RAB33B: variants seen among roughly 807,000 people sequenced by gnomAD.
The protein encoded by RAB33B is RAB33B, member RAS oncogene family.
A neutral mutation model predicts 15.0 loss-of-function variants in RAB33B; 6 were observed. The observed-to-expected ratio is 0.40, with a 90% CI of 0.22 to 0.79. The LOEUF is 0.79. RAB33B is among the 30% of genes least tolerant of loss of function. The pLI, the probability that RAB33B is intolerant of heterozygous loss-of-function variation, is 0.37. For missense variants in RAB33B, 257 were observed against 296.4 expected (o/e 0.87, Z 0.98); for synonymous variants, 117 against 108.3 (o/e 1.08, Z -0.50).
Position 139,473,513 on chromosome 4 carries a change from G to T in RAB33B, c.*387G>T. The T allele has an allele frequency of 5.9e-6, 1 of 169,138 alleles. No homozygotes were observed. The highest frequency in any genetic ancestry group is 1.3e-5 in the Non-Finnish European group (1 of 78,228). The allele number at this position is 169,138 out of a possible 1,614,324, so 10.5% of individuals were successfully genotyped here. ...CTTTGAATGGGAAGTGTTCTTAATA[G>T]GATAAAAACTGGTATTTGCCTCTCC... On this transcript the variant is annotated 3_prime_UTR_variant, in exon 2 of 2. Coordinates refer to ENST00000305626, the MANE Select transcript of RAB33B (RefSeq NM_031296.3).
rs1242581833 is a variant in RAB33B at position 139,454,218 on chromosome 4, C to T, written c.23C>T (p.Ser8Leu). The T allele has an allele frequency of 8.1e-6, 13 of 1,613,376 alleles. No homozygotes were observed. Among genetic ancestry groups the T allele is most frequent in the Non-Finnish European group, 2.5e-6 (3 of 1,179,664 alleles). Residue 8 changes from serine to leucine, a missense_variant, in exon 1 of 2, where the codon TCG becomes TTG. Coordinates refer to ENST00000305626, the MANE Select transcript of RAB33B (RefSeq NM_031296.3). ...GGAATGGCTGAGGAGATGGAGTCGT[C>T]GCTCGAGGCAAGCTTTTCGTCCAGC... MAEEMES[S>L]LEASFSSSGA...
At position 139,454,357 on chromosome 4, in the gene RAB33B, C is replaced by T; in HGVS notation, c.162C>T (p.Cys54=). 1.2e-6 allele frequency: 2 copies of T among 1,614,006 alleles called. No individual in the cohort carries two copies. The highest frequency in any genetic ancestry group is 1.7e-6 in the Non-Finnish European group (2 of 1,180,010). The part of the protein sequence containing the change: ...VGKTCLTYRF[C]AGRFPDRTEA... ...AGACATGCCTGACCTACCGCTTCTG[C>T]GCTGGCCGCTTCCCCGACCGCACCG... Residue 54 remains cysteine, a synonymous_variant, in exon 1 of 2, where the codon TGC becomes TGT. Transcript: ENST00000305626.
chr4:139,463,954 C>G (rs1246134312), intron 1 of RAB33B, among the ~76,000 whole-genome samples: 15 of 152,138 alleles, frequency 9.9e-5, no homozygotes, highest in Admixed American at 9.8e-4. Flanking sequence ...TTATTAGTTA[C>G]GTTTATGGCT....
At chr4:139,448,508 C>T (rs1023224179), upstream of RAB33B, 1 of 152,086 alleles carries the variant, frequency 6.6e-6, no homozygotes, top group Non-Finnish European at 1.5e-5. Flanking sequence ...GATCTCGGCT[C>T]ACTGCAACCT....
the RAB33B span, among the ~76,000 whole-genome samples, chr4:139,439,098 C>T: frequency 0.21 from 31,283 of 152,130 alleles, 3,552 homozygotes; most frequent in Non-Finnish European, 0.26. Flanking sequence ...CTGCAAGCTC[C>T]GCCTCCTGGA....
chr4:139,449,093 A>C (rs956749571), upstream of RAB33B: 5 of 150,576 alleles, frequency 3.3e-5, no homozygotes, highest in African/African-American at 1.2e-4. Flanking sequence ...TATTACTGTC[A>C]AAAGCCATTA....
Position 139,474,324 on chromosome 4 carries a change from T to G in RAB33B, c.*1198T>G, listed in dbSNP as rs938685467. 6.6e-6 allele frequency: 1 copy of G among 152,196 alleles called. No homozygotes were observed. The highest frequency in any genetic ancestry group is 2.4e-5 in the African/African-American group (1 of 41,446). The allele number at this position is 152,196 out of a possible 1,614,324, so 9.4% of individuals were successfully genotyped here. A position where few individuals can be genotyped will look rare whatever the true frequency, so the allele number is the denominator to read the frequency against. ...TATATTTAAACAGTGAAAAACTAAC[T>G]GAAAGCACATGAAGAGTTGTAACTT... On this transcript the variant is annotated 3_prime_UTR_variant, in exon 2 of 2. Transcript: ENST00000305626.
chr4:139,473,091 C>T lies in RAB33B; in HGVS notation c.655C>T (p.Pro219Ser), dbSNP rs201952341. Reference protein sequence around the residue: ...QPPDNGIILKPEPKPAMTCWC With the variant: ...QPPDNGIILKSEPKPAMTCWC ...CCCTGATAATGGAATTATCCTGAAGCCTGAACCAAAGCCTGCAATGACGTG... is the reference window on the plus strand; with the variant it reads ...CCCTGATAATGGAATTATCCTGAAGTCTGAACCAAAGCCTGCAATGACGTG... The change falls in exon 2 of 2, where the codon CCT becomes TCT. Residue 219 changes from proline (P) to serine (S), a missense_variant. Coordinates refer to ENST00000305626, the MANE Select transcript of RAB33B (RefSeq NM_031296.3). 55 of 1,609,342 alleles carry T rather than the reference C, an allele frequency of 3.4e-5. No individual in the cohort carries two copies. The highest frequency in any genetic ancestry group is 1.3e-5 in the African/African-American group (1 of 74,642).
In RAB33B at chr4:139,473,468, G is replaced by A. The variant is rs1354251026; in HGVS notation, c.*342G>A. 1 of 253,418 alleles carries A rather than the reference G, an allele frequency of 3.9e-6. No individual in the cohort carries two copies. Among genetic ancestry groups the A allele is most frequent in the Non-Finnish European group, 7.6e-6 (1 of 131,908 alleles). 15.7% of individuals were successfully genotyped at this position (253,418 alleles called of 1,614,324 possible). A position where few individuals can be genotyped will look rare whatever the true frequency, so the allele number is the denominator to read the frequency against. The stretch of plus-strand genomic sequence containing the variant: ...TTGGAAAAAAATGTTAAAGGTTTAG[G>A]ACACACCTAATAGTATGTCCTTTGA... On this transcript the variant is annotated 3_prime_UTR_variant, in exon 2 of 2. Transcript: ENST00000305626.
the RAB33B span, among the ~76,000 whole-genome samples, chr4:139,438,641 G>A: frequency 6.6e-6 from 1 of 151,914 alleles, no homozygotes; most frequent in African/African-American, 2.4e-5. Flanking sequence ...GCCTCCACTT[G>A]TAGAGGGCAA....
Position 139,454,184 on chromosome 4 carries a change from C to A in RAB33B, c.-12C>A. 6.2e-7 allele frequency: 1 copy of A among 1,602,112 alleles called. No individual in the cohort carries two copies. Among genetic ancestry groups the A allele is most frequent in the Non-Finnish European group, 8.5e-7 (1 of 1,172,984 alleles). ...TCCTTTCCTCCGCCTCAGTTTGGGG[C>A]GGGTCGGGGGAATGGCTGAGGAGAT... is the stretch of plus-strand genomic sequence containing the variant. On this transcript the variant is annotated 5_prime_UTR_variant, in exon 1 of 2. Transcript: ENST00000305626.
chr4:139,470,454 G>T (rs1386202094), intron 1 of RAB33B, among the ~76,000 whole-genome samples: 3 of 152,036 alleles, frequency 2.0e-5, no homozygotes, highest in Admixed American at 6.6e-5. Flanking sequence ...GAGTAGTGGG[G>T]TACCCTCTGG....
At chr4:139,448,789 T>C (rs1468760706), upstream of RAB33B, 2 of 151,940 alleles carry the variant, frequency 1.3e-5, no homozygotes, top group African/African-American at 4.8e-5. Context: ...TTTTGCAACA[T>C]GAGTGTTTGT....
Position 139,475,192 on chromosome 4 carries a change from A to G in RAB33B, c.*2066A>G, listed in dbSNP as rs1014766614. 2.0e-5 allele frequency: 3 copies of G among 152,226 alleles called. No homozygotes were observed. The highest frequency in any genetic ancestry group is 2.0e-4 in the Admixed American group (3 of 15,304). 9.4% of individuals were successfully genotyped at this position (152,226 alleles called of 1,614,324 possible). On this transcript the variant is annotated 3_prime_UTR_variant, in exon 2 of 2. Coordinates refer to ENST00000305626, the MANE Select transcript of RAB33B (RefSeq NM_031296.3). Reference sequence around the variant, plus strand: ...TTATAACTATTTTTGTAATAAAACAATGACAGCTGTAGTAACTATGATGGG... The same window carrying G: ...TTATAACTATTTTTGTAATAAAACAGTGACAGCTGTAGTAACTATGATGGG...
intron 1 of RAB33B, among the ~76,000 whole-genome samples, chr4:139,464,713 T>C (rs372481506): frequency 1.2e-4 from 18 of 152,344 alleles, no homozygotes; most frequent in Middle Eastern, 3.4e-3. Flanking sequence ...ACAAAGGACA[T>C]GAACTCATCC....
chr4:139,472,967 G>A lies in RAB33B; in HGVS notation c.531G>A (p.Thr177=), dbSNP rs372567843. The A allele has an allele frequency of 5.6e-6, 9 of 1,614,120 alleles. No individual in the cohort carries two copies. The highest frequency in any genetic ancestry group is 2.2e-5 in the South Asian group (2 of 91,082). ...ADTHSMPLFE[T]SAKNPNDNDH... ...CACACAGTATGCCTTTGTTTGAAACGTCTGCTAAAAACCCCAATGATAATG... is the reference window on the plus strand; with the variant it reads ...CACACAGTATGCCTTTGTTTGAAACATCTGCTAAAAACCCCAATGATAATG... Residue 177 remains threonine (T), a synonymous_variant, in exon 2 of 2, where the codon ACG becomes ACA. Coordinates refer to ENST00000305626, the MANE Select transcript of RAB33B (RefSeq NM_031296.3).
At chr4:139,452,385 C>CA (rs1020339452), upstream of RAB33B, 1 of 152,154 alleles carries the variant, frequency 6.6e-6, no homozygotes, top group Admixed American at 6.5e-5. Context: ...GTCCAGAATA[C>CA]AAAAAACAGG....
chr4:139,473,065 C>A lies in RAB33B; in HGVS notation c.629C>A (p.Pro210His). 6.2e-7 allele frequency: 1 copy of A among 1,613,914 alleles called. No homozygotes were observed. Among genetic ancestry groups the A allele is most frequent in the Non-Finnish European group, 8.5e-7 (1 of 1,179,946 alleles). The part of the protein sequence containing the change: ...KSHKPLMLSQ[P>H]PDNGIILKPE... Reference sequence around the variant, plus strand: ...CACAAACCATTAATGCTTAGTCAGCCCCCTGATAATGGAATTATCCTGAAG... The same window carrying A: ...CACAAACCATTAATGCTTAGTCAGCACCCTGATAATGGAATTATCCTGAAG... The change falls in exon 2 of 2, where the codon CCC becomes CAC. Residue 210 changes from proline to histidine, a missense_variant. Coordinates refer to ENST00000305626, the MANE Select transcript of RAB33B (RefSeq NM_031296.3).
chr4:139,455,160 G>A (rs1293059233), intron 1 of RAB33B, among the ~76,000 whole-genome samples: 1 of 152,192 alleles, frequency 6.6e-6, no homozygotes, highest in African/African-American at 2.4e-5. Flanking sequence ...AGTAATAGTG[G>A]AGAAGGTAGT....
Sources: gnomAD v4.1 joint callset for allele counts (sites outside exome capture counted in the v4.1 genomes callset) on GRCh38, gnomAD v4.1.1 for gene constraint, MANE v1.5 for transcripts, NCBI Gene and HGNC (gene_info 2026-07-23, HGNC 2026-07-21) for gene names.